Variants in GPC5 observed in about 807,000 individuals in gnomAD.
GPC5 encodes the protein glypican 5.
In GPC5, 47 loss-of-function variants were observed where a neutral mutation model predicts 53.9. That is an observed-to-expected ratio of 0.87 (90% CI 0.69 to 1.11). GPC5 has a LOEUF of 1.11. Ranked by LOEUF, GPC5 falls within the 50% of genes most tolerant of loss-of-function variation. The pLI is 0.00. For synonymous variants in GPC5, 286 were observed against 263.3 expected, an observed-to-expected ratio of 1.09 and a Z score of -0.84; for missense variants, 748 against 713.1, an observed-to-expected ratio of 1.05 and a Z score of -0.56.
chr13:92,605,424 G>T (rs1012019471), intron 7 of GPC5, among the ~76,000 whole-genome samples: 6 of 152,128 alleles, frequency 3.9e-5, no homozygotes, highest in African/African-American at 1.4e-4. Context: ...AATTATGTAT[G>T]ATGTTTTAGG....
At chr13:92,010,314 C>G (rs1018840529) in intron 6 of GPC5, among the ~76,000 whole-genome samples, 2 of 152,098 alleles carry the variant, frequency 1.3e-5, no homozygotes, top group African/African-American at 4.8e-5. Context: ...TGGGTTTTTG[C>G]TCGTTTTATT....
At chr13:92,584,108 G>A (rs1445329581) in intron 7 of GPC5, among the ~76,000 whole-genome samples, 1 of 152,208 alleles carries the variant, frequency 6.6e-6, no homozygotes, top group Non-Finnish European at 1.5e-5. Flanking sequence ...TACCAGTAGA[G>A]TGGGGCATTA....
At chr13:91,441,420 G>C (rs1048857578) in intron 1 of GPC5, among the ~76,000 whole-genome samples, 1 of 152,190 alleles carries the variant, frequency 6.6e-6, no homozygotes, top group Non-Finnish European at 1.5e-5. Context: ...TACTGTTGCT[G>C]TTGTATTGGC....
intron 6 of GPC5, among the ~76,000 whole-genome samples, chr13:91,964,241 A>T (rs2040158156): frequency 6.6e-6 from 1 of 152,168 alleles, no homozygotes; most frequent in Admixed American, 6.5e-5. Flanking sequence ...CAGCAGCAAG[A>T]TTTCTTGCAA....
intron 2 of GPC5, among the ~76,000 whole-genome samples, chr13:91,462,867 A>G (rs1278511899): frequency 6.6e-6 from 1 of 152,136 alleles, no homozygotes; most frequent in Non-Finnish European, 1.5e-5. Flanking sequence ...TTCAAAGTAG[A>G]CTTAAATTAT....
intron 3 of GPC5, among the ~76,000 whole-genome samples, chr13:91,710,074 T>A (rs756232727): frequency 6.6e-6 from 1 of 152,174 alleles, no homozygotes; most frequent in Non-Finnish European, 1.5e-5. Flanking sequence ...CTTAACCCCA[T>A]GTTGTGTTGA....
intron 2 of GPC5, among the ~76,000 whole-genome samples, chr13:91,496,804 A>T (rs1300861935): frequency 6.6e-6 from 1 of 152,172 alleles, no homozygotes. Context: ...GCAAAAGATG[A>T]ATGCTTGAGG....
At chr13:92,331,358 C>G (rs1023975963) in intron 7 of GPC5, among the ~76,000 whole-genome samples, 2 of 152,164 alleles carry the variant, frequency 1.3e-5, no homozygotes, top group Non-Finnish European at 2.9e-5. Context: ...TTCCTCTCAT[C>G]TGGGTCTTCT....
At chr13:91,745,312 G>T (rs2037024510) in intron 4 of GPC5, among the ~76,000 whole-genome samples, 1 of 151,972 alleles carries the variant, frequency 6.6e-6, no homozygotes, top group African/African-American at 2.4e-5. Flanking sequence ...GAAAAGTGAG[G>T]AATAGAGGCA....
rs138875398 is a variant in GPC5, at chr13:92,469,931, A to T, written c.1561+324942A>T. Among the ~76,000 whole-genome samples the T allele has an allele frequency of 3.3e-4, 50 of 152,270 alleles. 1 individual carries two copies. The East Asian group carries it at 9.6e-3, about 29-fold the overall frequency. On this transcript the variant is annotated intron_variant, in intron 7 of 7. Coordinates refer to ENST00000377067, the MANE Select transcript of GPC5 (RefSeq NM_004466.6). ...AAAATTGTTTTTTCTTTATCATGAC[A>T]AAGTGTCTAAAGAATATGAAAATGG...
At chr13:91,964,092 T>C (rs1371944648) in intron 6 of GPC5, among the ~76,000 whole-genome samples, 1 of 152,118 alleles carries the variant, frequency 6.6e-6, no homozygotes, top group Non-Finnish European at 1.5e-5. Context: ...GTCCAGAGTT[T>C]TTTCCTTCTG....
At chr13:91,639,158 G>A (rs998574401) in intron 2 of GPC5, among the ~76,000 whole-genome samples, 1 of 152,144 alleles carries the variant, frequency 6.6e-6, no homozygotes, top group African/African-American at 2.4e-5. Flanking sequence ...GCACAGGTGT[G>A]TGGAATATTT....
chr13:92,407,597 T>C (rs1175116081), intron 7 of GPC5, among the ~76,000 whole-genome samples: 1 of 152,184 alleles, frequency 6.6e-6, no homozygotes, highest in Admixed American at 6.5e-5. Flanking sequence ...TCTCTATTAT[T>C]CTTCAACAAA....
chr13:91,569,565 T>C (rs941398506), intron 2 of GPC5, among the ~76,000 whole-genome samples: 4 of 152,132 alleles, frequency 2.6e-5, no homozygotes, highest in Non-Finnish European at 5.9e-5. Context: ...TGAGAATGCA[T>C]GTTCAAGAAT....
At chr13:91,558,076 G>A (rs543407982) in intron 2 of GPC5, among the ~76,000 whole-genome samples, 1 of 152,256 alleles carries the variant, frequency 6.6e-6, no homozygotes, top group East Asian at 1.9e-4. Flanking sequence ...CATGAACTGG[G>A]TGGTTTTAAG....
chr13:92,743,860 T>C (rs1889173231), intron 7 of GPC5, among the ~76,000 whole-genome samples: 1 of 152,232 alleles, frequency 6.6e-6, no homozygotes. Flanking sequence ...TTTTTGTCTT[T>C]GGTTCTGTTT....
At chr13:92,216,163 A>G (rs2042408688) in intron 7 of GPC5, among the ~76,000 whole-genome samples, 2 of 152,178 alleles carry the variant, frequency 1.3e-5, no homozygotes, top group African/African-American at 4.8e-5. Flanking sequence ...GTTATCCTCC[A>G]CTGTCACTGG....
intron 7 of GPC5, among the ~76,000 whole-genome samples, chr13:92,796,619 C>T (rs1471208047): frequency 2.6e-5 from 4 of 151,856 alleles, no homozygotes; most frequent in African/African-American, 7.2e-5. Context: ...GAATAGAATG[C>T]CCAACTACCC....
intron 6 of GPC5, among the ~76,000 whole-genome samples, chr13:92,137,207 T>C (rs1460528462): frequency 6.6e-6 from 1 of 152,230 alleles, no homozygotes; most frequent in African/African-American, 2.4e-5. Context: ...AAATTGAATT[T>C]AACAAGCTTA....
Sources: allele counts gnomAD v4.1 joint callset (sites outside exome capture counted in the v4.1 genomes callset), GRCh38; gene constraint gnomAD v4.1.1; transcripts MANE v1.5; gene names NCBI Gene and HGNC (gene_info 2026-07-23, HGNC 2026-07-21).